STK24: variants seen among roughly 807,000 people sequenced by gnomAD.
The protein encoded by STK24 is serine/threonine kinase 24, also known as serine/threonine-protein kinase 24.
Under a neutral mutation model 55.6 loss-of-function variants are expected in STK24, and 21 were observed. The observed-to-expected ratio is 0.38, with a 90% CI of 0.27 to 0.54. STK24 has a LOEUF of 0.54. Among genes scored for constraint, STK24 ranks in the 20% least tolerant of loss-of-function variants. The pLI is 0.79. For synonymous variants in STK24, 200 were observed against 215.2 expected, an observed-to-expected ratio of 0.93 and a Z score of 0.62; for missense variants, 383 against 538.4, an observed-to-expected ratio of 0.71 and a Z score of 2.86.
In STK24 at chr13:98,461,770, G is replaced by A. The variant is rs183160214; in HGVS notation, c.1053+4C>T. The stretch of plus-strand genomic sequence containing the variant: ...CGTGGCCATTCTGGAGTGAGCAGAC[G>A]TACCTTATTTCTGTCCAAGTCCGAT... On this transcript the variant is annotated splice_donor_region_variant and intron_variant, in intron 8 of 10. Coordinates refer to ENST00000539966, the MANE Select transcript of STK24 (RefSeq NM_001032296.4). 4 of 1,613,792 alleles carry A rather than the reference G, an allele frequency of 2.5e-6. No homozygotes were observed. The highest frequency in any genetic ancestry group is 2.5e-6 in the Non-Finnish European group (3 of 1,179,760).
chr13:98,503,155 G>T (rs1013564387), intron 2 of STK24, among the ~76,000 whole-genome samples: 4 of 149,790 alleles, frequency 2.7e-5, no homozygotes, highest in African/African-American at 7.4e-5. Context: ...TACCAAGAGA[G>T]TGTTTTTTAA....
At position 98,475,181 on chromosome 13, in the gene STK24, A is replaced by T. The variant is rs527794704; in HGVS notation, c.439+69T>A. On this transcript the variant is annotated intron_variant, in intron 4 of 10. Coordinates refer to ENST00000539966, the MANE Select transcript of STK24 (RefSeq NM_001032296.4). ...AAATGGGCGCCAGCACCTTCCCTTG[A>T]GAAGTCTTCAGGGCAACCCCACCAC... 2.0e-3 allele frequency: 2,857 copies of T among 1,459,380 alleles called. 44 individuals carry two copies. Among genetic ancestry groups the T allele is most frequent in the South Asian group, 0.019 (1,520 of 80,270 alleles). 90.4% of individuals were successfully genotyped at this position (1,459,380 alleles called of 1,614,324 possible). A position where few individuals can be genotyped will look rare whatever the true frequency, so the allele number is the denominator to read the frequency against.
At chr13:98,546,903 T>C (rs1034817853) in intron 1 of STK24, among the ~76,000 whole-genome samples, 1 of 152,022 alleles carries the variant, frequency 6.6e-6, no homozygotes, top group Non-Finnish European at 1.5e-5. Flanking sequence ...TAATTGTTGT[T>C]TTTTTTTGTT....
chr13:98,446,268 G>A lies in STK24; in HGVS notation c.*6905C>T. On this transcript the variant is annotated 3_prime_UTR_variant, in exon 11 of 11. Coordinates refer to ENST00000539966, the MANE Select transcript of STK24 (RefSeq NM_001032296.4). ...TGGGGGTGGCAGCATGAGGTGAGGG[G>A]GCCGCCCTCCTCTGGAATGACTCAG... 1.9e-6 allele frequency: 2 copies of A among 1,056,436 alleles called. No individual in the cohort carries two copies. The highest frequency in any genetic ancestry group is 1.5e-6 in the Non-Finnish European group (1 of 687,178). The allele number at this position is 1,056,436 out of a possible 1,614,324, so 65.4% of individuals were successfully genotyped here.
At chr13:98,464,603 C>G (rs1282573704) in intron 6 of STK24, among the ~76,000 whole-genome samples, 1 of 146,380 alleles carries the variant, frequency 6.8e-6, no homozygotes, top group Non-Finnish European at 1.5e-5. Context: ...TCAAACGATT[C>G]TCCTGCCTCA....
rs1483496177 is a variant in STK24 at position 98,468,169 on chromosome 13, G to A, written c.598-1608C>T. ...AGAAATCCCTACTGGAAGCCCCCAA[G>A]CCCAGCAGTCCATGGGAATGATGCC... On this transcript the variant is annotated intron_variant, in intron 5 of 10. Transcript: ENST00000539966. Among the ~76,000 whole-genome samples the A allele has an allele frequency of 3.3e-5, 5 of 152,162 alleles. No individual in the cohort carries two copies. In the East Asian group the frequency reaches 9.6e-4, roughly 29 times the overall value.
At chr13:98,540,182 T>C (rs2139418379) in intron 1 of STK24, among the ~76,000 whole-genome samples, 1 of 152,208 alleles carries the variant, frequency 6.6e-6, no homozygotes, top group South Asian at 2.1e-4. Flanking sequence ...AGCTACAAAG[T>C]AGATGCAGAA....
At chr13:98,488,933 C>T (rs1488427028) in intron 2 of STK24, among the ~76,000 whole-genome samples, 3 of 152,232 alleles carry the variant, frequency 2.0e-5, no homozygotes, top group African/African-American at 7.2e-5. Context: ...ATTTCACCAG[C>T]TGTAACCAAA....
chr13:98,492,074 C>T (rs920025867), intron 2 of STK24, among the ~76,000 whole-genome samples: 5 of 62,214 alleles, frequency 8.0e-5, no homozygotes, highest in Admixed American at 3.7e-4. Context: ...AAAGTGCGTG[C>T]GCGTGTGTGT....
At chr13:98,529,773 C>G (rs778985932) in intron 1 of STK24, among the ~76,000 whole-genome samples, 1 of 152,000 alleles carries the variant, frequency 6.6e-6, no homozygotes, top group East Asian at 1.9e-4. Flanking sequence ...GCTTCCAGAA[C>G]GAGCATTCAG....
intron 1 of STK24, among the ~76,000 whole-genome samples, chr13:98,539,010 G>A (rs531282216): frequency 1.3e-5 from 2 of 152,332 alleles, no homozygotes; most frequent in South Asian, 4.1e-4. Context: ...AGGAAAGGGC[G>A]ACAGCCAAGA....
Position 98,447,971 on chromosome 13 carries a change from TCGCTCCTAA to T in STK24, c.*5193_*5201del. 2.0e-6 allele frequency: 1 copy of T among 502,146 alleles called. No homozygotes were observed. The highest frequency in any genetic ancestry group is 2.7e-5 in the South Asian group (1 of 37,298). The allele number at this position is 502,146 out of a possible 1,614,324, so 31.1% of individuals were successfully genotyped here. ...TTCTCCCCAGCAACCAGAGGCCACC[TCGCTCCTAA>T]CTGCTCCAATGGAGCGGGCAGTGTC... On this transcript the variant is annotated 3_prime_UTR_variant, in exon 11 of 11. Transcript: ENST00000539966.
chr13:98,548,051 C>A lies in STK24; in HGVS notation c.43-28578G>T, dbSNP rs138883610. On this transcript the variant is annotated intron_variant, in intron 1 of 10. Transcript: ENST00000539966. Reference sequence around the variant, plus strand: ...AGCAAATCTACTGGAGGAGCTGACACCACATGAAGAGAAGAACGTGGAGTC... The same window carrying A: ...AGCAAATCTACTGGAGGAGCTGACAACACATGAAGAGAAGAACGTGGAGTC... Among the ~76,000 whole-genome samples, 12 of 152,278 alleles carry A rather than the reference C, an allele frequency of 7.9e-5. No homozygotes were observed. The South Asian group carries it at 1.4e-3, about 18-fold the overall frequency.
intron 1 of STK24, among the ~76,000 whole-genome samples, chr13:98,568,883 A>G (rs116958485): frequency 6.6e-6 from 1 of 152,098 alleles, no homozygotes; most frequent in African/African-American, 2.4e-5. Context: ...AACAAAAAAG[A>G]TAAAAGAATA....
At chr13:98,522,053 C>G (rs1411094066) in intron 1 of STK24, 4 of 1,395,388 alleles carry the variant, frequency 2.9e-6, no homozygotes, top group Non-Finnish European at 2.8e-6. Flanking sequence ...TCATCTGGAC[C>G]TGCCCGGTCC....
chr13:98,476,039 A>AT (rs1894360209), intron 3 of STK24, among the ~76,000 whole-genome samples: 1 of 151,430 alleles, frequency 6.6e-6, no homozygotes, highest in Admixed American at 6.6e-5. Context: ...TTATATAATA[A>AT]TAATAACTAT....
intron 9 of STK24, among the ~76,000 whole-genome samples, chr13:98,458,508 G>C (rs577950702): frequency 2.2e-4 from 33 of 152,338 alleles, no homozygotes; most frequent in African/African-American, 7.2e-4. Flanking sequence ...AGTGGGTGTA[G>C]AGAGCATTTG....
At chr13:98,569,535 T>C (rs1897681833) in intron 1 of STK24, among the ~76,000 whole-genome samples, 1 of 151,744 alleles carries the variant, frequency 6.6e-6, no homozygotes, top group Non-Finnish European at 1.5e-5. Context: ...GCATAGAAGA[T>C]ACGCAGGTGA....
chr13:98,461,761 T>C lies in STK24; in HGVS notation c.1053+13A>G. On this transcript the variant is annotated intron_variant, in intron 8 of 10. Transcript: ENST00000539966. Reference sequence around the variant, plus strand: ...TGAGGTCAGCGTGGCCATTCTGGAGTGAGCAGACGTACCTTATTTCTGTCC... The same window carrying C: ...TGAGGTCAGCGTGGCCATTCTGGAGCGAGCAGACGTACCTTATTTCTGTCC... 1 of 1,613,450 alleles carries C rather than the reference T, an allele frequency of 6.2e-7. No individual in the cohort carries two copies.
Sources: gnomAD v4.1 joint callset for allele counts (sites outside exome capture counted in the v4.1 genomes callset) on GRCh38, gnomAD v4.1.1 for gene constraint, MANE v1.5 for transcripts, NCBI Gene and HGNC (gene_info 2026-07-23, HGNC 2026-07-21) for gene names.